KIF27: variants seen among roughly 807,000 people sequenced by gnomAD.
KIF27 encodes kinesin-like protein KIF27.
A neutral mutation model predicts 141.8 loss-of-function variants in KIF27; 84 were observed. The ratio of observed to expected loss-of-function variants is 0.59; its 90% confidence interval spans 0.50 to 0.71. The LOEUF (loss-of-function observed/expected upper bound fraction) is 0.71, where lower values mean the gene tolerates loss of function less well. KIF27 is among the 30% of genes least tolerant of loss of function. The pLI, the probability that KIF27 is intolerant of heterozygous loss-of-function variation, is 0.00. For missense variants in KIF27, 1,306 were observed against 1,628.4 expected (o/e 0.80, Z 3.41); for synonymous variants, 471 against 569.5 (o/e 0.83, Z 2.46).
At chr9:83,837,715 A>C (rs1386834717) in intron 17 of KIF27, 25 of 364,240 alleles carry the variant, frequency 6.9e-5, no homozygotes, top group Non-Finnish European at 1.2e-4. Context: ...TCATGGAACA[A>C]ATTGAGAAAT....
At chr9:83,898,218 C>A (rs1259653582) in intron 5 of KIF27, among the ~76,000 whole-genome samples, 2 of 151,850 alleles carry the variant, frequency 1.3e-5, no homozygotes, top group Non-Finnish European at 2.9e-5. Flanking sequence ...TATAGTCATA[C>A]AATAAAATCC....
Position 83,859,315 on chromosome 9 carries a change from C to G in KIF27, c.2991G>C (p.Glu997Asp), listed in dbSNP as rs139839095. ...GGAGCTGCACATTCTTTTCAGACAACTCTTGTTCCAGTAAGTTCAGGCGAG... is the reference window on the plus strand; with the variant it reads ...GGAGCTGCACATTCTTTTCAGACAAGTCTTGTTCCAGTAAGTTCAGGCGAG... ...ISTRLNLLEQ[E>D]LSEKNVQLQT... The change falls in exon 14 of 18, where the codon GAG (glutamate) becomes GAC (aspartate). Residue 997 changes from glutamate (E) to aspartate (D), a missense_variant. This residue lies in a region of KIF27 where 596 missense variants were observed against 751.6 expected (regional missense o/e 0.79). Coordinates refer to ENST00000297814, the MANE Select transcript of KIF27 (RefSeq NM_017576.4). The G allele has an allele frequency of 4.5e-4, 727 of 1,613,750 alleles. 1 individual carries two copies. Among genetic ancestry groups the G allele is most frequent in the Middle Eastern group, 6.6e-4 (4 of 6,060 alleles).
intron 15 of KIF27, among the ~76,000 whole-genome samples, chr9:83,851,081 C>G (rs1460071079): frequency 6.6e-6 from 1 of 151,942 alleles, no homozygotes; most frequent in Admixed American, 6.5e-5. Context: ...CGTGATCTTC[C>G]TGCCTCAGCC....
At chr9:83,851,480 T>C (rs1948578780) in intron 15 of KIF27, among the ~76,000 whole-genome samples, 2 of 152,234 alleles carry the variant, frequency 1.3e-5, no homozygotes, top group East Asian at 1.9e-4. Context: ...GCCTCCCACA[T>C]AGCTGGGACC....
intron 1 of KIF27, among the ~76,000 whole-genome samples, chr9:83,918,822 T>G (rs1226102441): frequency 2.6e-5 from 4 of 152,228 alleles, no homozygotes; most frequent in Admixed American, 2.6e-4. Flanking sequence ...AAACCTGTAA[T>G]CCCAGCATTT....
chr9:83,884,357 C>T (rs1951915968), intron 9 of KIF27, among the ~76,000 whole-genome samples: 1 of 151,988 alleles, frequency 6.6e-6, no homozygotes, highest in South Asian at 2.1e-4. Context: ...GACTGTTTGT[C>T]CTCTTGCTTA....
At chr9:83,868,547 T>C (rs1950542797) in intron 12 of KIF27, 1 of 152,096 alleles carries the variant, frequency 6.6e-6, no homozygotes, top group Non-Finnish European at 1.5e-5. Context: ...CTGAGTACTC[T>C]CTTGAATTAA....
intron 13 of KIF27, among the ~76,000 whole-genome samples, chr9:83,862,964 G>T (rs886568349): frequency 3.9e-4 from 59 of 152,048 alleles, no homozygotes; most frequent in African/African-American, 1.2e-3. Flanking sequence ...ACTCATGATT[G>T]GGCTCTCTGT....
intron 13 of KIF27, among the ~76,000 whole-genome samples, chr9:83,861,948 CA>C (rs1253258059): frequency 2.0e-5 from 3 of 152,150 alleles, no homozygotes; most frequent in Admixed American, 6.5e-5. Flanking sequence ...AGCATTTTTT[CA>C]TGTGTCTGTT....
intron 16 of KIF27, among the ~76,000 whole-genome samples, chr9:83,846,878 A>G (rs1947349594): frequency 6.6e-6 from 1 of 152,226 alleles, no homozygotes; most frequent in African/African-American, 2.4e-5. Context: ...CCGTTAAGTC[A>G]GCAGGCTACG....
Position 83,903,677 on chromosome 9 carries a change from G to C in KIF27, c.841C>G (p.Leu281Val), listed in dbSNP as rs775160703. 15 of 1,614,084 alleles carry C rather than the reference G, an allele frequency of 9.3e-6. No individual in the cohort carries two copies. The highest frequency in any genetic ancestry group is 2.2e-5 in the South Asian group (2 of 91,076). ...GAACTCTTCCTGCGTGGGTCCCCAA[G>C]AGCGCTTATTACATTTCCTAAAGCC... ...LLALGNVISA[L>V]GDPRRKSSHI... Residue 281 changes from leucine to valine, a missense_variant, in exon 4 of 18, where the codon CTT becomes GTT. Transcript: ENST00000297814.
In KIF27 at chr9:83,867,828, T is replaced by C; in HGVS notation, c.2790A>G (p.Glu930=). ...GTTGGTTCAGAACTTTCTCTACTTC[T>C]TCATCTAACCATTTCTTTTGCTCAT... is the stretch of plus-strand genomic sequence containing the variant. ...KLDEQKKWLD[E]EVEKVLNQRQ... is the part of the protein sequence containing the mutation. Residue 930 remains glutamate (E), a synonymous_variant, in exon 13 of 18, where the codon GAA becomes GAG. Coordinates refer to ENST00000297814, the MANE Select transcript of KIF27 (RefSeq NM_017576.4). The C allele has an allele frequency of 6.2e-7, 1 of 1,605,172 alleles. No individual in the cohort carries two copies. Among genetic ancestry groups the C allele is most frequent in the Non-Finnish European group, 8.5e-7 (1 of 1,176,718 alleles).
intron 9 of KIF27, among the ~76,000 whole-genome samples, chr9:83,886,504 T>A (rs1378928760): frequency 6.6e-6 from 1 of 151,970 alleles, no homozygotes. Flanking sequence ...TGCCAACTAA[T>A]AATAACAGGA....
chr9:83,896,448 A>C (rs537578858), intron 5 of KIF27, among the ~76,000 whole-genome samples: 1 of 152,216 alleles, frequency 6.6e-6, no homozygotes, highest in African/African-American at 2.4e-5. Context: ...TTTGAAAAAT[A>C]AAATTTTTTA....
chr9:83,914,461 GA>G (rs1739306817), intron 2 of KIF27, among the ~76,000 whole-genome samples: 1 of 151,992 alleles, frequency 6.6e-6, no homozygotes, highest in Admixed American at 6.6e-5. Flanking sequence ...TGCATTTAAT[GA>G]GAGAAGTTTC....
At chr9:83,846,695 T>G (rs1474757302) in intron 16 of KIF27, among the ~76,000 whole-genome samples, 6 of 152,172 alleles carry the variant, frequency 3.9e-5, no homozygotes, top group African/African-American at 1.4e-4. Context: ...CCACCCACCA[T>G]CACCCCTAGT....
chr9:83,916,482 G>A (rs1009776537), intron 1 of KIF27, among the ~76,000 whole-genome samples: 2 of 152,072 alleles, frequency 1.3e-5, no homozygotes, highest in African/African-American at 4.8e-5. Context: ...AACTAAATTT[G>A]TATTCAAAAA....
intron 5 of KIF27, among the ~76,000 whole-genome samples, chr9:83,892,660 G>T (rs1952792039): frequency 6.6e-6 from 1 of 152,006 alleles, no homozygotes; most frequent in African/African-American, 2.4e-5. Context: ...ACCATATGCT[G>T]CTTACAAGAA....
rs1189538433 is a variant in KIF27 at position 83,848,125 on chromosome 9, G to GAT, written c.3556+1972_3556+1973dup. ...ATGATATCTCATATCTGATATATCT[G>GAT]ATATCTCATATATGATATATCTGAT... On this transcript the variant is annotated intron_variant, in intron 16 of 17. Coordinates refer to ENST00000297814, the MANE Select transcript of KIF27 (RefSeq NM_017576.4). Among the ~76,000 whole-genome samples the GAT allele has an allele frequency of 1.2e-4, 6 of 48,604 alleles. 2 individuals are homozygous for GAT. Among genetic ancestry groups the GAT allele is most frequent in the Admixed American group, 5.0e-4 (3 of 6,010 alleles). 31.9% of individuals were successfully genotyped at this position (48,604 alleles called of 152,430 possible).
Sources: gnomAD v4.1 joint callset for allele counts (sites outside exome capture counted in the v4.1 genomes callset) on GRCh38, gnomAD v4.1.1 for gene constraint, gnomAD v4.1.1 regional missense constraint, MANE v1.5 for transcripts, NCBI Gene and HGNC (gene_info 2026-07-23, HGNC 2026-07-21) for gene names.